The following AFDN variants were observed in gnomAD, a reference collection of about 807,000 sequenced individuals.
AFDN encodes afadin.
Under a neutral mutation model 216.6 loss-of-function variants are expected in AFDN, and 68 were observed. The ratio of observed to expected loss-of-function variants is 0.31; its 90% CI spans 0.26 to 0.38. AFDN has a LOEUF of 0.38. Among genes scored for constraint, AFDN ranks in the 10% least tolerant of loss-of-function variants. The pLI is 1.00. For synonymous variants in AFDN, 868 were observed against 853.7 expected (o/e 1.02, Z -0.29); for missense variants, 2,136 against 2,342.0 (o/e 0.91, Z 1.82).
intron 4 of AFDN, among the ~76,000 whole-genome samples, chr6:167,873,759 A>G (rs1785038402): frequency 6.6e-6 from 1 of 152,238 alleles, no homozygotes; most frequent in African/African-American, 2.4e-5. Flanking sequence ...TTAATAAGGC[A>G]ACATCTTTCC....
At chr6:167,834,468 T>TG (rs1399316334) in intron 1 of AFDN, among the ~76,000 whole-genome samples, 1 of 145,418 alleles carries the variant, frequency 6.9e-6, no homozygotes, top group African/African-American at 2.5e-5. Flanking sequence ...TTTTTTTTTT[T>TG]TTTTTTTTTT....
chr6:167,873,319 C>A (rs1379144182), intron 4 of AFDN, among the ~76,000 whole-genome samples: 2 of 152,172 alleles, frequency 1.3e-5, no homozygotes, highest in Non-Finnish European at 2.9e-5. Flanking sequence ...AATGTAACCA[C>A]AGTTTCTTCA....
At chr6:167,859,291 GC>G (rs1783269371) in intron 1 of AFDN, among the ~76,000 whole-genome samples, 1 of 152,102 alleles carries the variant, frequency 6.6e-6, no homozygotes, top group African/African-American at 2.4e-5. Context: ...AGGTCAAATG[GC>G]TATTGCCGCC....
intron 31 of AFDN, chr6:167,963,721 C>T (rs1044729016): frequency 6.1e-5 from 65 of 1,061,548 alleles, no homozygotes; most frequent in Non-Finnish European, 6.8e-5. Context: ...GAAGTCCTCT[C>T]AAAGAGTTTG....
chr6:167,915,325 C>G lies in AFDN; in HGVS notation c.2457C>G (p.Ser819=). The change falls in exon 19 of 34, where the codon TCC becomes TCG. Residue 819 remains serine, a synonymous_variant. Coordinates refer to ENST00000683244, the MANE Select transcript of AFDN (RefSeq NM_001386888.1). The part of the protein sequence containing the change: ...LVTDPDSGLC[S]HYWGAIIRQQ... ...CCGACCCAGATTCGGGGCTGTGCTC[C>G]CATTACTGGGGTGCGATTATCCGTC... is the stretch of plus-strand genomic sequence containing the variant. 6.2e-7 allele frequency: 1 copy of G among 1,614,214 alleles called. No homozygotes were observed. The highest frequency in any genetic ancestry group is 8.5e-7 in the Non-Finnish European group (1 of 1,180,048).
chr6:167,905,388 T>G (rs73032760), intron 12 of AFDN, among the ~76,000 whole-genome samples: 6,197 of 152,296 alleles, frequency 0.041, 198 homozygotes, highest in African/African-American at 0.077. Flanking sequence ...GAAAACTGTC[T>G]TTATAAAAAT....
chr6:167,883,131 A>G (rs1371931888), intron 6 of AFDN, among the ~76,000 whole-genome samples: 2 of 152,180 alleles, frequency 1.3e-5, no homozygotes, highest in African/African-American at 4.8e-5. Context: ...GAGAGGGAGA[A>G]TTCAAGAATA....
At chr6:167,881,336 A>G (rs1444007890) in intron 6 of AFDN, among the ~76,000 whole-genome samples, 1 of 152,220 alleles carries the variant, frequency 6.6e-6, no homozygotes, top group Non-Finnish European at 1.5e-5. Context: ...GTAGATGGGA[A>G]ATCATGTTTT....
intron 4 of AFDN, among the ~76,000 whole-genome samples, chr6:167,872,689 C>T (rs1784919283): frequency 6.6e-6 from 1 of 152,004 alleles, no homozygotes; most frequent in Non-Finnish European, 1.5e-5. Context: ...TGGGTTTTTT[C>T]CTCATTTCTG....
rs1562600379 is a variant in AFDN, at chr6:167,880,526, C to A, written c.897+9C>A. 5.0e-6 allele frequency: 8 copies of A among 1,612,354 alleles called. No individual in the cohort carries two copies. Among genetic ancestry groups the A allele is most frequent in the Middle Eastern group, 1.7e-4 (1 of 6,044 alleles). ...ATTACTGCATCGCCCGGGTAAGGAA[C>A]TTTATCAAATCAGTAGTTCTTTCTA... On this transcript the variant is annotated intron_variant, in intron 6 of 33. Transcript: ENST00000683244.
chr6:167,943,055 GT>G (rs1794881540), intron 23 of AFDN, 73 bp from the exon 24 acceptor site: 1 of 1,258,026 alleles, frequency 7.9e-7, no homozygotes, highest in Non-Finnish European at 1.1e-6. Context: ...TTTTATTTTT[GT>G]TTTACTTTCC....
rs764193158 is a variant in AFDN, at chr6:167,952,131, G to A, written c.4777G>A (p.Asp1593Asn). Reference protein sequence around the residue: ...KDEDDEEEEDDDVDTMLIMQR... With the variant: ...KDEDDEEEEDNDVDTMLIMQR... ...CGAAGATGACGAGGAGGAGGAGGAC[G>A]ATGATGTGGACACCATGCTGATCAT... is the stretch of plus-strand genomic sequence containing the variant. Residue 1593 changes from aspartate to asparagine, a missense_variant, in exon 30 of 34, where the codon GAT becomes AAT. Around this residue, in one of 8 missense-constraint regions of AFDN, gnomAD observed 981 missense variants for 966.0 expected, o/e 1.02. Transcript: ENST00000683244. 63 of 1,614,052 alleles carry A rather than the reference G, an allele frequency of 3.9e-5. No homozygotes were observed. The highest frequency in any genetic ancestry group is 3.9e-5 in the Non-Finnish European group (46 of 1,180,042).
At chr6:167,831,284 T>A (rs951259751) in intron 1 of AFDN, among the ~76,000 whole-genome samples, 3 of 152,244 alleles carry the variant, frequency 2.0e-5, no homozygotes, top group African/African-American at 4.8e-5. Context: ...GATCTGTTTC[T>A]GGTGACTGAT....
intron 12 of AFDN, among the ~76,000 whole-genome samples, chr6:167,904,690 C>T (rs577360250): frequency 1.2e-4 from 19 of 152,244 alleles, no homozygotes; most frequent in African/African-American, 2.6e-4. Flanking sequence ...ACCTCTTCCC[C>T]GTTCCCAGTT....
intron 8 of AFDN, among the ~76,000 whole-genome samples, chr6:167,893,157 T>TG (rs1787821749): frequency 6.6e-6 from 1 of 152,176 alleles, no homozygotes; most frequent in South Asian, 2.1e-4. Context: ...ATTTTAAGGG[T>TG]GACCTAAGGG....
chr6:167,951,464 C>T lies in AFDN; in HGVS notation c.4110C>T (p.Asp1370=), dbSNP rs371839019. 5 of 1,614,136 alleles carry T rather than the reference C, an allele frequency of 3.1e-6. No individual in the cohort carries two copies. The highest frequency in any genetic ancestry group is 1.3e-5 in the African/African-American group (1 of 75,048). ...CCGTCTCCCAGCCAATCCGAACAGACCTGCCTCCGCCACCCCCGCCACCTC... is the reference window on the plus strand; with the variant it reads ...CCGTCTCCCAGCCAATCCGAACAGATCTGCCTCCGCCACCCCCGCCACCTC... ...PVAVSQPIRT[D]LPPPPPPPPV... The change falls in exon 30 of 34, where the codon GAC becomes GAT. Residue 1370 remains aspartate, a synonymous_variant. Coordinates refer to ENST00000683244, the MANE Select transcript of AFDN (RefSeq NM_001386888.1). This position sits in a 1 kb window ranked among gnomAD's most constrained non-coding sequence, Gnocchi z 7.1.
At chr6:167,959,919 T>C (rs1294001050) in intron 30 of AFDN, among the ~76,000 whole-genome samples, 2 of 152,242 alleles carry the variant, frequency 1.3e-5, no homozygotes, top group Non-Finnish European at 2.9e-5. Context: ...GATCACTTCC[T>C]GCAAGGCTAT....
intron 23 of AFDN, among the ~76,000 whole-genome samples, chr6:167,929,105 C>G (rs2128542135): frequency 6.6e-6 from 1 of 152,152 alleles, no homozygotes; most frequent in Non-Finnish European, 1.5e-5. Flanking sequence ...GTTCTTTGTA[C>G]TTTTACTAGT....
intron 1 of AFDN, among the ~76,000 whole-genome samples, chr6:167,840,723 T>C (rs1266521896): frequency 2.0e-5 from 3 of 152,204 alleles, no homozygotes; most frequent in Non-Finnish European, 4.4e-5. Flanking sequence ...GGTTTGGGGC[T>C]GAGGAGCCAG....
Sources: allele counts gnomAD v4.1 joint callset (sites outside exome capture counted in the v4.1 genomes callset), GRCh38; gene constraint gnomAD v4.1.1; regional missense constraint gnomAD v4.1.1; non-coding constraint Gnocchi (gnomAD v3.1); transcripts MANE v1.5; gene names NCBI Gene and HGNC (gene_info 2026-07-23, HGNC 2026-07-21).